The following ELMO1 variants were observed in gnomAD, a reference collection of about 807,000 sequenced individuals.
ELMO1 encodes the protein engulfment and cell motility protein 1.
Under a neutral mutation model 98.9 loss-of-function variants are expected in ELMO1, and 26 were observed. The observed-to-expected ratio is 0.26, with a 90% CI of 0.19 to 0.36. ELMO1 has a LOEUF of 0.36. Among genes scored for constraint, ELMO1 ranks in the 10% least tolerant of loss-of-function variants. ELMO1 has a pLI of 1.00. For synonymous variants in ELMO1, 346 were observed against 346.0 expected (o/e 1.00, Z 0.00); for missense variants, 627 against 935.2 (o/e 0.67, Z 4.30).
intron 21 of ELMO1, among the ~76,000 whole-genome samples, chr7:36,857,719 C>A (rs886968114): frequency 6.6e-6 from 1 of 152,124 alleles, no homozygotes; most frequent in African/African-American, 2.4e-5. Context: ...GCTCTGTCCC[C>A]AAAAAGGGCT....
intron 16 of ELMO1, among the ~76,000 whole-genome samples, chr7:36,902,268 T>C (rs77520725): frequency 0.018 from 2,813 of 152,324 alleles, 82 homozygotes; most frequent in African/African-American, 0.064. Flanking sequence ...TCACAAAGGA[T>C]GTGTGGTCTA....
At chr7:36,950,132 AAAACAAG>A (rs796778014) in intron 16 of ELMO1, among the ~76,000 whole-genome samples, 2 of 74,000 alleles carry the variant, frequency 2.7e-5, no homozygotes, top group Admixed American at 1.3e-4. Flanking sequence ...ACAGACACAG[AAAACAAG>A]AAACAATGTA....
chr7:37,409,650 G>C (rs73693569), intron 1 of ELMO1, among the ~76,000 whole-genome samples: 2 of 152,164 alleles, frequency 1.3e-5, no homozygotes, highest in East Asian at 1.9e-4. Context: ...GACTCTCCAC[G>C]GGCTGTTTGG....
chr7:37,313,156 G>A (rs1174381033), intron 4 of ELMO1, among the ~76,000 whole-genome samples: 1 of 152,188 alleles, frequency 6.6e-6, no homozygotes, highest in Non-Finnish European at 1.5e-5. Flanking sequence ...TTAAGTCAAA[G>A]GAATCAAAGG....
At chr7:37,421,051 T>G (rs1804450714) in intron 1 of ELMO1, among the ~76,000 whole-genome samples, 1 of 152,248 alleles carries the variant, frequency 6.6e-6, no homozygotes, top group East Asian at 1.9e-4. Flanking sequence ...AGCCACATCT[T>G]CCTCTTAAAA....
At chr7:37,301,751 G>A (rs928615856) in intron 4 of ELMO1, among the ~76,000 whole-genome samples, 6 of 152,080 alleles carry the variant, frequency 3.9e-5, no homozygotes, top group African/African-American at 1.2e-4. Context: ...CTCAAAAGAA[G>A]GTGTAAATAT....
intron 4 of ELMO1, 144 bp downstream of exon 4, chr7:37,314,706 G>C (rs1040277134): frequency 1.1e-5 from 7 of 631,738 alleles, no homozygotes; most frequent in Non-Finnish European, 1.9e-5. Flanking sequence ...TAAAGTAGCA[G>C]TTGTTTGCTT....
intron 2 of ELMO1, among the ~76,000 whole-genome samples, chr7:37,333,104 A>G (rs1367618076): frequency 6.6e-6 from 1 of 152,232 alleles, no homozygotes; most frequent in Non-Finnish European, 1.5e-5. Flanking sequence ...ACAAGAAACT[A>G]GAAAAGCACA....
chr7:37,217,617 G>A (rs1456689599), intron 10 of ELMO1: 6 of 437,072 alleles, frequency 1.4e-5, no homozygotes, highest in Non-Finnish European at 2.3e-5. Flanking sequence ...GGGTGGGGGA[G>A]ATTTCTGAGG....
At chr7:37,323,781 A>G (rs950521584) in intron 2 of ELMO1, among the ~76,000 whole-genome samples, 10 of 152,022 alleles carry the variant, frequency 6.6e-5, no homozygotes, top group Non-Finnish European at 1.3e-4. Flanking sequence ...TGGTACCACT[A>G]ATTTCTAAAT....
chr7:36,928,341 A>C (rs1383051918), intron 16 of ELMO1, among the ~76,000 whole-genome samples: 2 of 152,142 alleles, frequency 1.3e-5, no homozygotes, highest in African/African-American at 4.8e-5. Context: ...GGCAATGCTT[A>C]CCCTTCCCCA....
chr7:36,958,136 C>A (rs1788621327), intron 16 of ELMO1, among the ~76,000 whole-genome samples: 1 of 152,194 alleles, frequency 6.6e-6, no homozygotes, highest in Non-Finnish European at 1.5e-5. Flanking sequence ...TCACTTTCCT[C>A]ATTACCTAAC....
chr7:37,389,458 T>C (rs1158790003), intron 1 of ELMO1, among the ~76,000 whole-genome samples: 1 of 152,220 alleles, frequency 6.6e-6, no homozygotes, highest in African/African-American at 2.4e-5. Flanking sequence ...TTTCCCTCCA[T>C]TGTGTTGATG....
chr7:36,917,929 T>C (rs1005985338), intron 16 of ELMO1, among the ~76,000 whole-genome samples: 1 of 152,240 alleles, frequency 6.6e-6, no homozygotes, highest in Admixed American at 6.5e-5. Flanking sequence ...TAGATATATC[T>C]GAAAACATAA....
chr7:37,204,528 A>G (rs1056306420), intron 13 of ELMO1, among the ~76,000 whole-genome samples: 4 of 152,218 alleles, frequency 2.6e-5, no homozygotes, highest in African/African-American at 9.7e-5. Flanking sequence ...AGCAGCAGCA[A>G]GATTTATTGC....
chr7:37,150,871 C>T (rs891902842), intron 13 of ELMO1, among the ~76,000 whole-genome samples: 2 of 152,204 alleles, frequency 1.3e-5, no homozygotes, highest in African/African-American at 2.4e-5. Context: ...GGTATGCCCA[C>T]TGTTCTCTAA....
intron 19 of ELMO1, among the ~76,000 whole-genome samples, chr7:36,877,360 G>A (rs1232862929): frequency 6.6e-6 from 1 of 152,046 alleles, no homozygotes; most frequent in Non-Finnish European, 1.5e-5. Flanking sequence ...TGTTTAATTT[G>A]TATTGTTAAC....
At chr7:37,352,517 C>G (rs1351079871) in intron 1 of ELMO1, among the ~76,000 whole-genome samples, 2 of 152,170 alleles carry the variant, frequency 1.3e-5, no homozygotes, top group Non-Finnish European at 2.9e-5. Context: ...ATGTATCTGT[C>G]CAGAAAACTT....
chr7:37,113,552 A>G (rs2129278962), intron 14 of ELMO1, among the ~76,000 whole-genome samples: 1 of 152,306 alleles, frequency 6.6e-6, no homozygotes, highest in East Asian at 1.9e-4. Context: ...CTACCCAGGA[A>G]CAGATTCCTA....
Sources: allele counts gnomAD v4.1 joint callset (sites outside exome capture counted in the v4.1 genomes callset), GRCh38; gene constraint gnomAD v4.1.1; transcripts MANE v1.5; gene names NCBI Gene and HGNC (gene_info 2026-07-23, HGNC 2026-07-21).